Variants in RABGAP1L observed in about 807,000 individuals in gnomAD.
The protein encoded by RABGAP1L is RAB GTPase activating protein 1 like, also known as rab GTPase-activating protein 1-like.
In RABGAP1L, 63 loss-of-function variants were observed where a neutral mutation model predicts 137.7. The observed-to-expected ratio is 0.46, with a 90% CI of 0.37 to 0.56. The LOEUF (loss-of-function observed/expected upper bound fraction) is 0.56, where lower values mean the gene tolerates loss of function less well. Among genes scored for constraint, RABGAP1L ranks in the 20% least tolerant of loss-of-function variants. RABGAP1L has a pLI of 0.00. For synonymous variants in RABGAP1L, 431 were observed against 433.7 expected (o/e 0.99, Z 0.08); for missense variants, 1,095 against 1,244.0 (o/e 0.88, Z 1.80).
chr1:174,511,772 A>C (rs1662368743), intron 13 of RABGAP1L, among the ~76,000 whole-genome samples: 2 of 151,744 alleles, frequency 1.3e-5, no homozygotes, highest in Admixed American at 1.3e-4. Context: ...ACAGGCATGC[A>C]CCACCACACC....
chr1:174,479,350 A>T (rs1197309476), intron 13 of RABGAP1L, among the ~76,000 whole-genome samples: 1 of 152,202 alleles, frequency 6.6e-6, no homozygotes, highest in Non-Finnish European at 1.5e-5. Flanking sequence ...CATGCATGAG[A>T]ATCACTTGGG....
chr1:174,826,938 A>G (rs1691622177), intron 19 of RABGAP1L, among the ~76,000 whole-genome samples: 1 of 152,196 alleles, frequency 6.6e-6, no homozygotes, highest in Admixed American at 6.5e-5. Flanking sequence ...GGTTGGATGC[A>G]TAGACTGGGA....
intron 17 of RABGAP1L, among the ~76,000 whole-genome samples, chr1:174,723,721 T>G (rs1681765072): frequency 6.6e-6 from 1 of 152,220 alleles, no homozygotes; most frequent in Admixed American, 6.5e-5. Flanking sequence ...ATAGTTGTCT[T>G]AGTACAAATA....
intron 17 of RABGAP1L, among the ~76,000 whole-genome samples, chr1:174,718,837 CTTTTT>C (rs11337437): frequency 3.8e-5 from 4 of 106,416 alleles, no homozygotes; most frequent in Admixed American, 1.0e-4. Context: ...TTTTCTTTTC[CTTTTT>C]TTTTTTTTTT....
rs776487855 is a variant in RABGAP1L, at chr1:174,514,247, CAAAA to C, written c.1710+120122_1710+120125del. ...ATGAAGCATGTGTTATATTTTAAGC[CAAAA>C]AAAAAAAAAAAAAAAAAAACTGGGG... On this transcript the variant is annotated intron_variant, in intron 13 of 25. Coordinates refer to ENST00000681986, the MANE Select transcript of RABGAP1L (RefSeq NM_001366446.1). Among the ~76,000 whole-genome samples, 107 of 81,072 alleles carry C rather than the reference CAAAA, an allele frequency of 1.3e-3. 1 individual carries two copies. The highest frequency in any genetic ancestry group is 3.6e-3 in the African/African-American group (84 of 23,256). 53.2% of individuals were successfully genotyped at this position (81,072 alleles called of 152,430 possible).
chr1:174,596,222 G>GTC (rs1260235455), intron 13 of RABGAP1L, among the ~76,000 whole-genome samples: 1 of 30,950 alleles, frequency 3.2e-5, no homozygotes, highest in Admixed American at 2.6e-4. Flanking sequence ...CTCGCGCACG[G>GTC]TGCACACACA....
intron 19 of RABGAP1L, among the ~76,000 whole-genome samples, chr1:174,880,509 T>C (rs1654008046): frequency 6.6e-6 from 1 of 152,120 alleles, no homozygotes; most frequent in African/African-American, 2.4e-5. Flanking sequence ...AGGACCATCA[T>C]AAATAAACAG....
At chr1:174,384,685 C>T (rs1375403579) in intron 12 of RABGAP1L, among the ~76,000 whole-genome samples, 2 of 152,132 alleles carry the variant, frequency 1.3e-5, no homozygotes, top group East Asian at 3.8e-4. Context: ...ACTAACTTCT[C>T]TCTTCTTATC....
chr1:174,734,847 C>A (rs1682796966), intron 17 of RABGAP1L, among the ~76,000 whole-genome samples: 1 of 151,758 alleles, frequency 6.6e-6, no homozygotes, highest in African/African-American at 2.4e-5. Flanking sequence ...AATTCTTGCA[C>A]CTTTCCTACT....
chr1:174,802,978 C>G (rs1468365897), intron 18 of RABGAP1L, among the ~76,000 whole-genome samples: 2 of 152,100 alleles, frequency 1.3e-5, no homozygotes, highest in African/African-American at 4.8e-5. Flanking sequence ...ATCTCTTTAC[C>G]TTTTTAGTCA....
chr1:174,592,939 T>G (rs1669709990), intron 13 of RABGAP1L, among the ~76,000 whole-genome samples: 4 of 84,978 alleles, frequency 4.7e-5, no homozygotes, highest in Admixed American at 4.7e-4. Flanking sequence ...TACCAGTTCC[T>G]CCTTGTACCT....
chr1:174,185,933 C>T (rs145099571), intron 1 of RABGAP1L, among the ~76,000 whole-genome samples: 9,407 of 152,134 alleles, frequency 0.062, 1,005 homozygotes, highest in African/African-American at 0.21. Flanking sequence ...CACCTAAGGT[C>T]GGGAGTTCGC....
At chr1:174,564,386 C>T (rs982026350) in intron 13 of RABGAP1L, among the ~76,000 whole-genome samples, 1 of 152,084 alleles carries the variant, frequency 6.6e-6, no homozygotes, top group African/African-American at 2.4e-5. Context: ...TTTAGGATAT[C>T]AGCTACTCTA....
intron 13 of RABGAP1L, among the ~76,000 whole-genome samples, chr1:174,404,627 C>A (rs1161569358): frequency 6.6e-6 from 1 of 152,082 alleles, no homozygotes; most frequent in Non-Finnish European, 1.5e-5. Context: ...CTATTCAGTT[C>A]ATCTTTAAGT....
At chr1:174,387,325 C>G (rs12094364) in intron 12 of RABGAP1L, among the ~76,000 whole-genome samples, 2 of 152,088 alleles carry the variant, frequency 1.3e-5, no homozygotes, top group Admixed American at 1.3e-4. Context: ...AGGATAGTTT[C>G]TACCCTCAAG....
chr1:174,769,493 A>C (rs532345155), intron 18 of RABGAP1L, among the ~76,000 whole-genome samples: 7 of 152,194 alleles, frequency 4.6e-5, no homozygotes, highest in African/African-American at 1.4e-4. Flanking sequence ...AATCACGTCC[A>C]CACCATAGAA....
intron 11 of RABGAP1L, among the ~76,000 whole-genome samples, chr1:174,315,568 C>G (rs1407644076): frequency 6.7e-6 from 1 of 148,826 alleles, no homozygotes; most frequent in Non-Finnish European, 1.5e-5. Flanking sequence ...TCTTCCCTTC[C>G]TGTCTTTCTA....
intron 13 of RABGAP1L, among the ~76,000 whole-genome samples, chr1:174,533,017 G>A (rs949580530): frequency 1.3e-5 from 2 of 152,150 alleles, no homozygotes; most frequent in African/African-American, 2.4e-5. Flanking sequence ...GGTGGGTCAC[G>A]AGGTCGGGAG....
At chr1:174,659,617 C>T (rs373833375) in intron 14 of RABGAP1L, among the ~76,000 whole-genome samples, 1 of 152,188 alleles carries the variant, frequency 6.6e-6, no homozygotes, top group East Asian at 1.9e-4. Flanking sequence ...CTCATTCAGT[C>T]TCATGGCTTT....
Sources: allele counts gnomAD v4.1 joint callset (sites outside exome capture counted in the v4.1 genomes callset), GRCh38; gene constraint gnomAD v4.1.1; transcripts MANE v1.5; gene names NCBI Gene and HGNC (gene_info 2026-07-23, HGNC 2026-07-21).